The following COL18A1 variants were observed in gnomAD, a reference collection of about 807,000 sequenced individuals.
The protein encoded by COL18A1 is collagen alpha-1(XVIII) chain.
In COL18A1, 133 loss-of-function variants were observed where a neutral mutation model predicts 168.0. That is an observed-to-expected ratio of 0.79 (90% CI 0.69 to 0.91). COL18A1 has a LOEUF of 0.91. Ranked by LOEUF, COL18A1 falls within the 40% of genes least tolerant of loss-of-function variation. COL18A1 has a pLI of 0.00. For synonymous variants in COL18A1, 949 were observed against 809.0 expected (o/e 1.17, Z -2.94); for missense variants, 2,126 against 1,925.4 (o/e 1.10, Z -1.95).
At chr21:45,405,315 T>TA (rs1452043844) in intron 1 of COL18A1, 64 bp from the exon 2 acceptor site, 1 of 629,110 alleles carries the variant, frequency 1.6e-6, no homozygotes. Flanking sequence ...GTCGCGGGGC[T>TA]CGGCCGGGTC....
rs748109875 is a variant in COL18A1, at chr21:45,505,449, C to A, written c.3087+18C>A. 1.4e-6 allele frequency: 2 copies of A among 1,417,242 alleles called. No homozygotes were observed. Among genetic ancestry groups the A allele is most frequent in the African/African-American group, 1.4e-5 (1 of 71,426 alleles). The allele number at this position is 1,417,242 out of a possible 1,614,324, so 87.8% of individuals were successfully genotyped here. A position where few individuals can be genotyped will look rare whatever the true frequency, so the allele number is the denominator to read the frequency against. ...CCTCAGGGGTAAGTGTCTGGGCAGCCGGCTGGGCACCTGCGTCCCGTGCCC... is the reference window on the plus strand; with the variant it reads ...CCTCAGGGGTAAGTGTCTGGGCAGCAGGCTGGGCACCTGCGTCCCGTGCCC... On this transcript the variant is annotated intron_variant, in intron 36 of 41. Coordinates refer to ENST00000651438, the MANE Select transcript of COL18A1 (RefSeq NM_001379500.1).
At position 45,491,323 on chromosome 21, in the gene COL18A1, G is replaced by T. The variant is rs747724063; in HGVS notation, c.2157+9G>T. The T allele has an allele frequency of 6.2e-7, 1 of 1,604,894 alleles. No individual in the cohort carries two copies. The highest frequency in any genetic ancestry group is 1.3e-5 in the African/African-American group (1 of 74,750). ...ACGTGTCGGAGCAGGACGTAAGGAC[G>T]CTGCGTGGGTGGGCACCCAATCTGT... On this transcript the variant is annotated intron_variant, in intron 22 of 41. Transcript: ENST00000651438.
At chr21:45,480,886 G>A (rs371136712) in intron 13 of COL18A1, 28 bp downstream of exon 13, 41 of 1,596,490 alleles carry the variant, frequency 2.6e-5, no homozygotes, top group African/African-American at 1.1e-4. Flanking sequence ...CGTCAGTGTC[G>A]GGAGCCCTGT....
chr21:45,440,142 G>C (rs1022699628), intron 2 of COL18A1, among the ~76,000 whole-genome samples: 217 of 152,368 alleles, frequency 1.4e-3, no homozygotes, highest in Non-Finnish European at 5.1e-4. Context: ...AAGGGCTGCG[G>C]GGTCGGAACG....
chr21:45,508,968 T>C (rs1336308879), intron 38 of COL18A1, among the ~76,000 whole-genome samples: 2 of 151,792 alleles, frequency 1.3e-5, no homozygotes, highest in African/African-American at 4.8e-5. Context: ...ATTTCTAGGG[T>C]GGAGGTCACC....
chr21:45,452,830 G>T (rs1393390380), intron 2 of COL18A1, among the ~76,000 whole-genome samples: 2 of 147,558 alleles, frequency 1.4e-5, no homozygotes, highest in Non-Finnish European at 3.0e-5. Context: ...GAGCATGTAT[G>T]ACATGTGTAA....
Position 45,486,997 on chromosome 21 carries a change from G to A in COL18A1, c.1833+5G>A, listed in dbSNP as rs1379174918. The A allele has an allele frequency of 6.6e-7, 1 of 1,523,266 alleles. No homozygotes were observed. Among genetic ancestry groups the A allele is most frequent in the South Asian group, 1.3e-5 (1 of 78,732 alleles). 94.4% of individuals were successfully genotyped at this position (1,523,266 alleles called of 1,614,324 possible). On this transcript the variant is annotated splice_donor_5th_base_variant and intron_variant, in intron 16 of 41. Transcript: ENST00000651438. ...CCAGGACTCCCCGCTGGATTTGTGA[G>A]TACCGCCTACACCTGACCCCCTGGA... is the stretch of plus-strand genomic sequence containing the variant.
Position 45,505,187 on chromosome 21 carries a change from AC to A in COL18A1, c.2928del (p.Gly977AlafsTer54), listed in dbSNP as rs749541171. 3.1e-6 allele frequency: 5 copies of A among 1,604,102 alleles called. No individual in the cohort carries two copies. The highest frequency in any genetic ancestry group is 2.2e-5 in the East Asian group (1 of 44,484). ...AGCCCGGCCCACCTGGACCTCAGGG[AC>A]CCCCCGGCATCGGCTACGAGGGGCG... ...GQPGPPGPQGPPGIGYEGRQG... is the reference protein window; with the variant it reads ...GQPGPPGPQGXPGIGYEGRQG... On this transcript the variant is annotated frameshift_variant, in exon 35 of 42. Transcript: ENST00000651438. LOFTEE classifies it high-confidence loss of function.
chr21:45,416,125 G>A (rs1487472741), intron 2 of COL18A1, among the ~76,000 whole-genome samples: 3 of 152,188 alleles, frequency 2.0e-5, no homozygotes, highest in African/African-American at 4.8e-5. Flanking sequence ...TGTGGGGCCC[G>A]TGAAACCTGT....
intron 2 of COL18A1, chr21:45,422,629 G>C: frequency 5.4e-6 from 2 of 373,406 alleles, no homozygotes; most frequent in Non-Finnish European, 1.1e-5. Flanking sequence ...CCCAGCCGTC[G>C]GTTGGTGAAA....
chr21:45,475,334 CG>C, intron 4 of COL18A1, 141 bp from the exon 5 acceptor site: 1 of 772,406 alleles, frequency 1.3e-6, no homozygotes, highest in Admixed American at 2.1e-5. Context: ...AGCGGCCCCC[CG>C]GAGAGCACCA....
At position 45,473,339 on chromosome 21, in the gene COL18A1, C is replaced by T. The variant is rs1041674747; in HGVS notation, c.652-556C>T. Among the ~76,000 whole-genome samples, 14 of 152,218 alleles carry T rather than the reference C, an allele frequency of 9.2e-5. No homozygotes were observed. Among genetic ancestry groups the T allele is most frequent in the African/African-American group, 3.1e-4 (13 of 41,462 alleles). On this transcript the variant is annotated intron_variant, in intron 3 of 41. Coordinates refer to ENST00000651438, the MANE Select transcript of COL18A1 (RefSeq NM_001379500.1). The surrounding 1 kb of genome is among the most constrained non-coding windows in gnomAD (Gnocchi z 4.0). The stretch of plus-strand genomic sequence containing the variant: ...GTGAGTGAGTGAGATTGGGTCCGGA[C>T]GGAATGGGCGCAGAGATCCAGGAAA...
intron 37 of COL18A1, 195 bp downstream of exon 37, chr21:45,506,161 G>A: frequency 1.3e-6 from 1 of 766,604 alleles, no homozygotes; most frequent in South Asian, 1.7e-5. Context: ...AGAAAAGTGA[G>A]CTCAAGCTTC....
In COL18A1 at chr21:45,463,791, G is replaced by A. The variant is rs142614934; in HGVS notation, c.107-4451G>A. Among the ~76,000 whole-genome samples the A allele has an allele frequency of 0.029, 4,442 of 152,130 alleles. 225 individuals carry two copies. The highest frequency in any genetic ancestry group is 0.1 in the African/African-American group (4,181 of 41,456). On this transcript the variant is annotated intron_variant, in intron 2 of 41. Transcript: ENST00000651438. The surrounding 1 kb of genome is among the most constrained non-coding windows in gnomAD (Gnocchi z 4.0). ...GCATGCCTGTAATCCTAGCTACTCG[G>A]GATGCTGAGGCAGGAGAACTGCTTG...
At position 45,471,710 on chromosome 21, in the gene COL18A1, G is replaced by A. The variant is rs1046563952; in HGVS notation, c.652-2185G>A. Among the ~76,000 whole-genome samples the A allele has an allele frequency of 2.0e-5, 3 of 151,982 alleles. No homozygotes were observed. Among genetic ancestry groups the A allele is most frequent in the African/African-American group, 4.8e-5 (2 of 41,364 alleles). The stretch of plus-strand genomic sequence containing the variant: ...CCCAGCTGCTGCCGTTGCCTTGAAC[G>A]TCATTTCCAGCTGTGTCCTGATTTC... On this transcript the variant is annotated intron_variant, in intron 3 of 41. Transcript: ENST00000651438. The surrounding 1 kb of genome is among the most constrained non-coding windows in gnomAD (Gnocchi z 4.4).
chr21:45,495,926 C>T lies in COL18A1; in HGVS notation c.2508+494C>T, dbSNP rs369055544. ...CCTCCCTGGCCCATTCCATGATGGG[C>T]ATACACACTGCACATGTATACTCAT... On this transcript the variant is annotated intron_variant, in intron 29 of 41. Coordinates refer to ENST00000651438, the MANE Select transcript of COL18A1 (RefSeq NM_001379500.1). The T allele has an allele frequency of 2.2e-5, 7 of 320,198 alleles. No individual in the cohort carries two copies. In the East Asian group the frequency reaches 2.4e-4, roughly 11 times the overall value. 19.8% of individuals were successfully genotyped at this position (320,198 alleles called of 1,614,324 possible).
At position 45,431,537 on chromosome 21, in the gene COL18A1, C is replaced by T. The variant is rs542869195; in HGVS notation, c.106+26064C>T. ...CCAGGGGAGGGGGGCAGGCAGGACTCGGCGGCCCAGGGGAGGGGGGCAGGC... is the reference window on the plus strand; with the variant it reads ...CCAGGGGAGGGGGGCAGGCAGGACTTGGCGGCCCAGGGGAGGGGGGCAGGC... On this transcript the variant is annotated intron_variant, in intron 2 of 41. Coordinates refer to ENST00000651438, the MANE Select transcript of COL18A1 (RefSeq NM_001379500.1). Among the ~76,000 whole-genome samples the T allele has an allele frequency of 5.3e-5, 6 of 113,720 alleles. No homozygotes were observed. In the South Asian group the frequency reaches 9.1e-4, roughly 17 times the overall value. 74.6% of individuals were successfully genotyped at this position (113,720 alleles called of 152,430 possible).
chr21:45,488,350 T>G lies in COL18A1; in HGVS notation c.1897-68T>G, dbSNP rs985212664. ...CTTGACTGTTACTAGCGGGCTTTTCTTGCGGCAGACGCATCTCACAGCAGG... is the reference window on the plus strand; with the variant it reads ...CTTGACTGTTACTAGCGGGCTTTTCGTGCGGCAGACGCATCTCACAGCAGG... On this transcript the variant is annotated intron_variant, in intron 17 of 41. Coordinates refer to ENST00000651438, the MANE Select transcript of COL18A1 (RefSeq NM_001379500.1). 7 of 1,610,306 alleles carry G rather than the reference T, an allele frequency of 4.3e-6. No homozygotes were observed. In the African/African-American group the frequency reaches 5.3e-5, roughly 12 times the overall value.
At chr21:45,432,237 G>T (rs1002512104) in intron 2 of COL18A1, among the ~76,000 whole-genome samples, 14 of 86,204 alleles carry the variant, frequency 1.6e-4, no homozygotes, top group South Asian at 8.7e-4. Context: ...GAAGGTCAGA[G>T]CTGGGGCTGG....
Sources: gnomAD v4.1 joint callset for allele counts (sites outside exome capture counted in the v4.1 genomes callset) on GRCh38, gnomAD v4.1.1 for gene constraint, Gnocchi (gnomAD v3.1) non-coding constraint, MANE v1.5 for transcripts, NCBI Gene and HGNC (gene_info 2026-07-23, HGNC 2026-07-21) for gene names.